SLC35F1: variants seen among roughly 807,000 people sequenced by gnomAD.
SLC35F1 encodes the protein chromosome 6 open reading frame 169.
Under a neutral mutation model 48.7 loss-of-function variants are expected in SLC35F1, and 14 were observed. That is an observed-to-expected ratio of 0.29 (90% CI 0.19 to 0.45). SLC35F1 has a LOEUF of 0.45. Ranked by LOEUF, SLC35F1 falls within the 20% of genes least tolerant of loss-of-function variation. The pLI is 1.00. For synonymous variants in SLC35F1, 190 were observed against 202.2 expected (o/e 0.94, Z 0.51); for missense variants, 404 against 500.0 (o/e 0.81, Z 1.83).
chr6:118,258,249 T>C (rs1775670371), intron 3 of SLC35F1, among the ~76,000 whole-genome samples: 1 of 152,168 alleles, frequency 6.6e-6, no homozygotes, highest in Admixed American at 6.5e-5. Flanking sequence ...AAGTCTAACA[T>C]TTAAGTGCTA....
chr6:118,264,057 C>T (rs181282246), intron 3 of SLC35F1, among the ~76,000 whole-genome samples: 6 of 152,296 alleles, frequency 3.9e-5, no homozygotes, highest in Admixed American at 3.9e-4. Context: ...ATCATTTCAC[C>T]TCTTAGGACT....
chr6:118,186,560 A>G (rs1345187546), intron 2 of SLC35F1, among the ~76,000 whole-genome samples: 2 of 152,204 alleles, frequency 1.3e-5, no homozygotes, highest in African/African-American at 2.4e-5. Context: ...CTAAGATAAT[A>G]TAAGTATTTC....
intron 1 of SLC35F1, among the ~76,000 whole-genome samples, chr6:117,933,852 C>T (rs1039822039): frequency 3.3e-5 from 5 of 151,966 alleles, no homozygotes; most frequent in Admixed American, 6.6e-5. Flanking sequence ...TAGGACCCTG[C>T]GTGAGAACGT....
In SLC35F1 at chr6:117,923,643, G is replaced by GTACACATATACATATGTATATA. The variant is rs1562238592; in HGVS notation, c.173+15748_173+15749insCATATACATATGTATATATACA. Among the ~76,000 whole-genome samples, 123 of 58,764 alleles carry GTACACATATACATATGTATATA rather than the reference G, an allele frequency of 2.1e-3. 22 individuals are homozygous for GTACACATATACATATGTATATA. The highest frequency in any genetic ancestry group is 6.7e-3 in the South Asian group (8 of 1,202). The allele number at this position is 58,764 out of a possible 152,430, so 38.6% of individuals were successfully genotyped here. A position where few individuals can be genotyped will look rare whatever the true frequency, so the allele number is the denominator to read the frequency against. On this transcript the variant is annotated intron_variant, in intron 1 of 7. Transcript: ENST00000360388. Reference sequence around the variant, plus strand: ...TGTATATATACATATATGTACATATGTACATATGTACATATGTATATATAC... The same window carrying GTACACATATACATATGTATATA: ...TGTATATATACATATATGTACATATGTACACATATACATATGTATATATACATATGTACATATGTATATATAC...
chr6:118,029,896 T>C (rs955709435), intron 1 of SLC35F1, among the ~76,000 whole-genome samples: 2 of 152,218 alleles, frequency 1.3e-5, no homozygotes, highest in African/African-American at 2.4e-5. Context: ...TTTGCATCCC[T>C]TTCCTTTCTT....
chr6:118,171,529 T>C (rs1054889716), intron 2 of SLC35F1, among the ~76,000 whole-genome samples: 9 of 152,188 alleles, frequency 5.9e-5, no homozygotes, highest in Non-Finnish European at 1.2e-4. Context: ...GCATTCTAAA[T>C]ATTAATAAAA....
chr6:118,304,653 G>A (rs568528594), intron 7 of SLC35F1, among the ~76,000 whole-genome samples: 31 of 152,154 alleles, frequency 2.0e-4, no homozygotes, highest in Non-Finnish European at 2.9e-4. Context: ...TCTTCGTGAT[G>A]TAAGGATAAC....
chr6:118,139,063 C>T (rs923171170), intron 1 of SLC35F1, among the ~76,000 whole-genome samples: 1 of 151,934 alleles, frequency 6.6e-6, no homozygotes, highest in South Asian at 2.1e-4. Flanking sequence ...ACAGTCATGA[C>T]GAAAACTTTA....
chr6:118,059,608 C>A (rs1674195956), intron 1 of SLC35F1, among the ~76,000 whole-genome samples: 1 of 152,158 alleles, frequency 6.6e-6, no homozygotes, highest in Non-Finnish European at 1.5e-5. Flanking sequence ...ATCATAGTTT[C>A]TGAGAAACCC....
chr6:118,196,971 C>T lies in SLC35F1; in HGVS notation c.350-38538C>T, dbSNP rs114201602. On this transcript the variant is annotated intron_variant, in intron 2 of 7. Coordinates refer to ENST00000360388, the MANE Select transcript of SLC35F1 (RefSeq NM_001029858.4). ...CTGTCTTTTCCCCCATTGTGTCTTC[C>T]AGGTACCCTTGTTAAAAATTACTTG... Among the ~76,000 whole-genome samples, 272 of 151,096 alleles carry T rather than the reference C, an allele frequency of 1.8e-3. 2 individuals carry two copies. Among genetic ancestry groups the T allele is most frequent in the African/African-American group, 6.4e-3 (263 of 41,166 alleles).
intron 1 of SLC35F1, among the ~76,000 whole-genome samples, chr6:117,911,228 T>C (rs773082162): frequency 1.3e-5 from 2 of 152,326 alleles, no homozygotes; most frequent in Non-Finnish European, 2.9e-5. Flanking sequence ...TTTTTTCCCC[T>C]GGTATACTCA....
intron 1 of SLC35F1, among the ~76,000 whole-genome samples, chr6:118,010,973 A>C (rs1459657130): frequency 6.6e-6 from 1 of 152,120 alleles, no homozygotes; most frequent in African/African-American, 2.4e-5. Flanking sequence ...CAATATTTGG[A>C]GACATTTTTG....
chr6:118,135,291 C>T (rs1361873067), intron 1 of SLC35F1, among the ~76,000 whole-genome samples: 1 of 152,136 alleles, frequency 6.6e-6, no homozygotes, highest in Non-Finnish European at 1.5e-5. Context: ...TTATTCTGTC[C>T]TTCAGAATCA....
At chr6:118,100,981 C>T (rs998200209) in intron 1 of SLC35F1, among the ~76,000 whole-genome samples, 1 of 152,166 alleles carries the variant, frequency 6.6e-6, no homozygotes, top group Non-Finnish European at 1.5e-5. Flanking sequence ...GGTTACCTCC[C>T]AGGAACTTGG....
At chr6:118,254,327 G>A (rs1250939433) in intron 3 of SLC35F1, among the ~76,000 whole-genome samples, 1 of 152,190 alleles carries the variant, frequency 6.6e-6, no homozygotes, top group South Asian at 2.1e-4. Flanking sequence ...TGTCACATAA[G>A]CTGGAGTGCG....
chr6:118,165,579 C>T (rs1435143142), intron 2 of SLC35F1, among the ~76,000 whole-genome samples: 1 of 152,192 alleles, frequency 6.6e-6, no homozygotes, highest in Non-Finnish European at 1.5e-5. Flanking sequence ...TTCTCTTCCA[C>T]AATACACATA....
At chr6:117,923,541 G>A (rs1263232730) in intron 1 of SLC35F1, among the ~76,000 whole-genome samples, 1 of 133,700 alleles carries the variant, frequency 7.5e-6, no homozygotes, top group Non-Finnish European at 1.6e-5. Flanking sequence ...ATATGGAATA[G>A]AATGGAAATT....
At chr6:118,014,432 T>C (rs1310491200) in intron 1 of SLC35F1, among the ~76,000 whole-genome samples, 2 of 152,184 alleles carry the variant, frequency 1.3e-5, no homozygotes, top group African/African-American at 2.4e-5. Flanking sequence ...CTAGGACTTA[T>C]GAACCACAGG....
At chr6:117,972,912 A>C (rs988650978) in intron 1 of SLC35F1, among the ~76,000 whole-genome samples, 1 of 152,214 alleles carries the variant, frequency 6.6e-6, no homozygotes, top group African/African-American at 2.4e-5. Context: ...CAATTTAATA[A>C]GTTTACAAGC....
Sources: allele counts gnomAD v4.1 joint callset (sites outside exome capture counted in the v4.1 genomes callset), GRCh38; gene constraint gnomAD v4.1.1; transcripts MANE v1.5; gene names NCBI Gene and HGNC (gene_info 2026-07-23, HGNC 2026-07-21).